The following GRIN3A variants were observed in gnomAD, a reference collection of about 807,000 sequenced individuals.
The protein encoded by GRIN3A is glutamate receptor ionotropic, NMDA 3A.
GRIN3A carries 47 observed loss-of-function variants against 92.4 expected under a neutral mutation model. The observed-to-expected ratio is 0.51, with a 90% CI of 0.40 to 0.65. The LOEUF (loss-of-function observed/expected upper bound fraction) is 0.65. Ranked by LOEUF, GRIN3A falls within the 30% of genes least tolerant of loss-of-function variation. GRIN3A has a pLI of 0.00. For synonymous variants in GRIN3A, 527 were observed against 540.6 expected (o/e 0.97, Z 0.35); for missense variants, 1,324 against 1,393.1 (o/e 0.95, Z 0.79).
intron 6 of GRIN3A, among the ~76,000 whole-genome samples, chr9:101,609,737 T>C (rs746847817): frequency 3.3e-5 from 5 of 152,206 alleles, no homozygotes; most frequent in Non-Finnish European, 7.3e-5. Flanking sequence ...CAGATGATCC[T>C]CTGAAATGAC....
chr9:101,602,153 G>A (rs1039542503), intron 6 of GRIN3A, among the ~76,000 whole-genome samples: 2 of 152,108 alleles, frequency 1.3e-5, no homozygotes, highest in African/African-American at 2.4e-5. Flanking sequence ...TCATGATGTT[G>A]CCTTCTCATC....
chr9:101,631,586 C>T (rs377256707), intron 3 of GRIN3A, among the ~76,000 whole-genome samples: 1 of 152,138 alleles, frequency 6.6e-6, no homozygotes, highest in Non-Finnish European at 1.5e-5. Context: ...AATCAGGGAA[C>T]CAGCAGACCC....
intron 3 of GRIN3A, among the ~76,000 whole-genome samples, chr9:101,652,236 C>G (rs371887974): frequency 3.3e-5 from 5 of 152,028 alleles, no homozygotes; most frequent in African/African-American, 7.2e-5. Context: ...AGACAAAATT[C>G]AAAACCAAGA....
chr9:101,608,630 T>C (rs952662500), intron 6 of GRIN3A, among the ~76,000 whole-genome samples: 1 of 152,168 alleles, frequency 6.6e-6, no homozygotes, highest in African/African-American at 2.4e-5. Context: ...AGGAATATGC[T>C]CAATATTTGA....
chr9:101,686,454 TA>T (rs1358470335), intron 2 of GRIN3A, 141 bp downstream of exon 2: 16 of 960,028 alleles, frequency 1.7e-5, no homozygotes, highest in Non-Finnish European at 2.7e-5. Flanking sequence ...TACTAGCCTA[TA>T]TAACCAGAAA....
chr9:101,666,442 T>A (rs934036337), intron 3 of GRIN3A, among the ~76,000 whole-genome samples: 1 of 151,934 alleles, frequency 6.6e-6, no homozygotes, highest in Non-Finnish European at 1.5e-5. Flanking sequence ...AGCTAAGTGA[T>A]GAGAACTCAT....
chr9:101,583,465 C>A (rs1827915022), intron 6 of GRIN3A, among the ~76,000 whole-genome samples: 1 of 152,158 alleles, frequency 6.6e-6, no homozygotes, highest in African/African-American at 2.4e-5. Context: ...TGCATATGTG[C>A]ATCTTCCCCA....
rs780438004 is a variant in GRIN3A at position 101,623,368 on chromosome 9, A to G, written c.2564T>C (p.Ile855Thr). ...DKALLDYEVS[I>T]DADCKLLTVG... ...AGTGAGAAGTTTGCAGTCAGCATCTATTGACACTTCATAATCCAGAAGGGC... is the reference window on the plus strand; with the variant it reads ...AGTGAGAAGTTTGCAGTCAGCATCTGTTGACACTTCATAATCCAGAAGGGC... Residue 855 changes from isoleucine (I) to threonine (T), a missense_variant, in exon 5 of 9, where the codon ATA (isoleucine) becomes ACA (threonine). Physicochemically the swap from Ile to Thr is moderately conservative, Grantham distance 89. Transcript: ENST00000361820. The G allele has an allele frequency of 1.9e-5, 30 of 1,613,884 alleles. No homozygotes were observed. In the South Asian group the frequency reaches 3.2e-4, roughly 17 times the overall value.
At chr9:101,727,408 G>T (rs1272114974) in intron 1 of GRIN3A, among the ~76,000 whole-genome samples, 1 of 152,118 alleles carries the variant, frequency 6.6e-6, no homozygotes, top group African/African-American at 2.4e-5. Context: ...TATCCACAAA[G>T]AGCATAGATT....
At chr9:101,709,340 AG>A (rs1331962877) in intron 1 of GRIN3A, among the ~76,000 whole-genome samples, 1 of 152,204 alleles carries the variant, frequency 6.6e-6, no homozygotes, top group East Asian at 1.9e-4. Context: ...GGTAATCTAA[AG>A]GCAGCTTTAA....
intron 2 of GRIN3A, among the ~76,000 whole-genome samples, chr9:101,676,966 T>A (rs900201137): frequency 2.0e-5 from 3 of 150,856 alleles, no homozygotes; most frequent in Non-Finnish European, 4.4e-5. Flanking sequence ...AATTAAAAAC[T>A]CACATTCTCC....
At chr9:101,709,608 G>A (rs1167017858) in intron 1 of GRIN3A, among the ~76,000 whole-genome samples, 4 of 152,076 alleles carry the variant, frequency 2.6e-5, no homozygotes, top group South Asian at 4.1e-4. Context: ...TTACTTGCTC[G>A]GTAAAATAAA....
chr9:101,632,082 C>T (rs993928743), intron 3 of GRIN3A, among the ~76,000 whole-genome samples: 6 of 152,196 alleles, frequency 3.9e-5, no homozygotes, highest in Admixed American at 2.6e-4. Context: ...CCCTGGCCTT[C>T]CAAGCTTTGG....
chr9:101,719,311 C>T (rs757222829), intron 1 of GRIN3A, among the ~76,000 whole-genome samples: 1 of 151,640 alleles, frequency 6.6e-6, no homozygotes, highest in Non-Finnish European at 1.5e-5. Context: ...TCCAGCTACT[C>T]AGGAGGCTGA....
intron 1 of GRIN3A, among the ~76,000 whole-genome samples, chr9:101,705,993 TA>T (rs943048241): frequency 2.6e-5 from 4 of 151,692 alleles, no homozygotes; most frequent in Admixed American, 6.6e-5. Flanking sequence ...GTGAGACTGT[TA>T]AAAAAAACGA....
At chr9:101,681,549 A>G (rs926505218) in intron 2 of GRIN3A, among the ~76,000 whole-genome samples, 3 of 152,204 alleles carry the variant, frequency 2.0e-5, no homozygotes, top group Admixed American at 6.5e-5. Context: ...GTGAATTTGC[A>G]TATGTCATTT....
At chr9:101,680,829 C>G (rs1829457845) in intron 2 of GRIN3A, among the ~76,000 whole-genome samples, 1 of 152,164 alleles carries the variant, frequency 6.6e-6, no homozygotes, top group Non-Finnish European at 1.5e-5. Flanking sequence ...TAATCACTGA[C>G]TACTTGATTC....
At chr9:101,725,275 G>T (rs192948579) in intron 1 of GRIN3A, among the ~76,000 whole-genome samples, 12 of 152,290 alleles carry the variant, frequency 7.9e-5, no homozygotes, top group Admixed American at 4.6e-4. Context: ...AATAAAAATT[G>T]CTTTAAGAAA....
chr9:101,580,734 T>C (rs531476891), intron 6 of GRIN3A, among the ~76,000 whole-genome samples: 1 of 152,344 alleles, frequency 6.6e-6, no homozygotes, highest in South Asian at 2.1e-4. Context: ...AAAATAGATA[T>C]ATAACGTCTA....
Sources: allele counts gnomAD v4.1 joint callset (sites outside exome capture counted in the v4.1 genomes callset), GRCh38; gene constraint gnomAD v4.1.1; transcripts MANE v1.5; gene names NCBI Gene and HGNC (gene_info 2026-07-23, HGNC 2026-07-21).